The following EDIL3 variants were observed in gnomAD, a reference collection of about 807,000 sequenced individuals.
EDIL3 encodes EGF like and discoidin domains 3, also known as EGF-like repeat and discoidin I-like domain-containing protein 3.
In EDIL3, 37 loss-of-function variants were observed where a neutral mutation model predicts 67.4. The ratio of observed to expected loss-of-function variants is 0.55; its 90% CI spans 0.42 to 0.72. The LOEUF (loss-of-function observed/expected upper bound fraction) is 0.72. Ranked by LOEUF, EDIL3 falls within the 30% of genes least tolerant of loss-of-function variation. EDIL3 has a pLI of 0.00. For missense variants in EDIL3, 527 were observed against 586.3 expected, an observed-to-expected ratio of 0.90 and a Z score of 1.04; for synonymous variants, 195 against 196.3, an observed-to-expected ratio of 0.99 and a Z score of 0.05.
chr5:84,090,031 C>T (rs1027132915), intron 6 of EDIL3, among the ~76,000 whole-genome samples: 3 of 152,128 alleles, frequency 2.0e-5, no homozygotes, highest in Non-Finnish European at 4.4e-5. Flanking sequence ...ACATTTAAAG[C>T]CTGGTCTTAT....
intron 3 of EDIL3, among the ~76,000 whole-genome samples, chr5:84,212,121 T>C (rs1744133772): frequency 6.6e-6 from 1 of 152,192 alleles, no homozygotes; most frequent in Non-Finnish European, 1.5e-5. Flanking sequence ...TGGGTATTTA[T>C]CTACTGATAC....
chr5:84,127,209 T>C (rs1747883877), intron 5 of EDIL3, among the ~76,000 whole-genome samples: 4 of 152,056 alleles, frequency 2.6e-5, no homozygotes, highest in Admixed American at 1.3e-4. Flanking sequence ...ATAGTTTATT[T>C]TCTGTCCCTG....
intron 1 of EDIL3, among the ~76,000 whole-genome samples, chr5:84,315,562 A>G (rs771774881): frequency 4.6e-5 from 7 of 152,184 alleles, no homozygotes; most frequent in Non-Finnish European, 2.9e-5. Context: ...ATTGCTAATT[A>G]AAGGAATTTA....
chr5:84,361,858 A>T (rs2112201785), intron 1 of EDIL3, among the ~76,000 whole-genome samples: 1 of 152,086 alleles, frequency 6.6e-6, no homozygotes, highest in East Asian at 1.9e-4. Context: ...GAGACAACTA[A>T]TGTGATAATG....
chr5:84,215,381 G>A (rs958167939), intron 3 of EDIL3, among the ~76,000 whole-genome samples: 1 of 151,892 alleles, frequency 6.6e-6, no homozygotes, highest in Admixed American at 6.6e-5. Flanking sequence ...AGCCTCCCGA[G>A]TAGCTGGGAC....
At chr5:84,176,053 T>C (rs931791620) in intron 4 of EDIL3, among the ~76,000 whole-genome samples, 61 of 151,224 alleles carry the variant, frequency 4.0e-4, no homozygotes, top group African/African-American at 1.3e-3. Context: ...CCAATAAATA[T>C]TGGTTAAATG....
At chr5:84,029,951 G>A (rs757813983) in intron 9 of EDIL3, among the ~76,000 whole-genome samples, 6 of 152,096 alleles carry the variant, frequency 3.9e-5, no homozygotes, top group Non-Finnish European at 8.8e-5. Flanking sequence ...GAAAAACTTT[G>A]TTTAAGGAAG....
intron 1 of EDIL3, among the ~76,000 whole-genome samples, chr5:84,371,797 T>A (rs573823854): frequency 6.6e-6 from 1 of 152,138 alleles, no homozygotes; most frequent in African/African-American, 2.4e-5. Context: ...ATATATATTC[T>A]ACCTACATAT....
At chr5:84,150,680 TATAAA>T (rs1748373996) in intron 4 of EDIL3, among the ~76,000 whole-genome samples, 1 of 152,156 alleles carries the variant, frequency 6.6e-6, no homozygotes, top group Non-Finnish European at 1.5e-5. Flanking sequence ...GCTGTTCTGA[TATAAA>T]ATAATGCAAT....
chr5:84,009,413 T>C (rs2112178524), intron 9 of EDIL3, among the ~76,000 whole-genome samples: 1 of 152,292 alleles, frequency 6.6e-6, no homozygotes, highest in Non-Finnish European at 1.5e-5. Context: ...CAGCCTGCAA[T>C]ATGACAAAAT....
chr5:84,230,012 C>T (rs1744537965), intron 2 of EDIL3, 128 bp from the exon 3 acceptor site: 2 of 826,744 alleles, frequency 2.4e-6, no homozygotes, highest in Non-Finnish European at 3.7e-6. Flanking sequence ...TTTCCAAACA[C>T]TAACTACAAG....
At chr5:84,316,343 A>G (rs1190981114) in intron 1 of EDIL3, among the ~76,000 whole-genome samples, 1 of 152,188 alleles carries the variant, frequency 6.6e-6, no homozygotes, top group East Asian at 1.9e-4. Context: ...AAGACCCATC[A>G]GTGTGCTGTA....
intron 9 of EDIL3, among the ~76,000 whole-genome samples, chr5:83,999,932 C>T (rs971789703): frequency 5.9e-5 from 9 of 151,354 alleles, no homozygotes; most frequent in Non-Finnish European, 8.8e-5. Flanking sequence ...AGCTCCAAAA[C>T]ATCTGGCAGC....
At chr5:84,364,936 A>G (rs903555495) in intron 1 of EDIL3, among the ~76,000 whole-genome samples, 13 of 152,022 alleles carry the variant, frequency 8.6e-5, no homozygotes, top group African/African-American at 3.1e-4. Context: ...AGAGTGTTAT[A>G]CCAATCCTTA....
intron 1 of EDIL3, among the ~76,000 whole-genome samples, chr5:84,295,594 G>A (rs568751812): frequency 3.3e-5 from 5 of 152,052 alleles, no homozygotes; most frequent in Admixed American, 3.3e-4. Flanking sequence ...GCTAATCAGA[G>A]TTCACTGCTT....
intron 1 of EDIL3, among the ~76,000 whole-genome samples, chr5:84,358,017 G>T (rs1017189538): frequency 6.6e-6 from 1 of 151,970 alleles, no homozygotes; most frequent in Non-Finnish European, 1.5e-5. Context: ...AGAAATGAAG[G>T]TTTATACAGA....
chr5:84,384,221 A>G (rs1247650896), intron 1 of EDIL3, 87 bp downstream of exon 1: 3 of 1,490,854 alleles, frequency 2.0e-6, no homozygotes, highest in African/African-American at 2.8e-5. Context: ...GGCACGCCGG[A>G]GGGACCGCCT....
At chr5:83,983,009 T>A (rs1744997101) in intron 9 of EDIL3, among the ~76,000 whole-genome samples, 1 of 152,170 alleles carries the variant, frequency 6.6e-6, no homozygotes, top group African/African-American at 2.4e-5. Context: ...GGAAAGAGAT[T>A]CATTTTTCTC....
At chr5:84,270,583 A>G (rs977123892) in intron 1 of EDIL3, among the ~76,000 whole-genome samples, 1 of 152,166 alleles carries the variant, frequency 6.6e-6, no homozygotes, top group Non-Finnish European at 1.5e-5. Context: ...GAGAGGGTGA[A>G]ATTTGTATTT....
Sources: allele counts gnomAD v4.1 joint callset (sites outside exome capture counted in the v4.1 genomes callset), GRCh38; gene constraint gnomAD v4.1.1; transcripts MANE v1.5; gene names NCBI Gene and HGNC (gene_info 2026-07-23, HGNC 2026-07-21).